BAZ1A: variants seen among roughly 807,000 people sequenced by gnomAD.
BAZ1A encodes the protein bromodomain adjacent to zinc finger domain protein 1A.
A neutral mutation model predicts 185.2 loss-of-function variants in BAZ1A; 50 were observed. The observed-to-expected ratio is 0.27, with a 90% CI of 0.22 to 0.34. The LOEUF is 0.34. Among genes scored for constraint, BAZ1A ranks in the 10% least tolerant of loss-of-function variants. BAZ1A has a pLI of 1.00. For synonymous variants in BAZ1A, 571 were observed against 615.6 expected, an observed-to-expected ratio of 0.93 and a Z score of 1.07; for missense variants, 1,356 against 1,839.9, an observed-to-expected ratio of 0.74 and a Z score of 4.81.
At chr14:34,854,854 C>T (rs2042651110) in intron 3 of BAZ1A, among the ~76,000 whole-genome samples, 1 of 151,992 alleles carries the variant, frequency 6.6e-6, no homozygotes, top group Non-Finnish European at 1.5e-5. Flanking sequence ...CTGAGGTTGG[C>T]GGATCACCTG....
intron 26 of BAZ1A, 114 bp from the exon 27 acceptor site, chr14:34,753,818 T>C: frequency 1.1e-6 from 1 of 936,182 alleles, no homozygotes; most frequent in Non-Finnish European, 1.5e-6. Context: ...CACTTTTTTC[T>C]TTAGAAAGAG....
chr14:34,847,666 AT>A (rs1427087239), intron 3 of BAZ1A, among the ~76,000 whole-genome samples: 1 of 152,122 alleles, frequency 6.6e-6, no homozygotes, highest in Non-Finnish European at 1.5e-5. Flanking sequence ...TGAATCTTTT[AT>A]GTTCATCTTA....
At chr14:34,854,717 T>C (rs1277780575) in intron 3 of BAZ1A, among the ~76,000 whole-genome samples, 3 of 152,224 alleles carry the variant, frequency 2.0e-5, no homozygotes, top group Non-Finnish European at 2.9e-5. Flanking sequence ...CCCTTCGCTA[T>C]CACTACCTCC....
intron 4 of BAZ1A, among the ~76,000 whole-genome samples, chr14:34,821,486 T>C (rs1002482355): frequency 3.9e-5 from 6 of 152,234 alleles, no homozygotes; most frequent in African/African-American, 1.4e-4. Context: ...TACCTGGAAG[T>C]CAATTTATTA....
chr14:34,776,853 A>G (rs951654499), intron 17 of BAZ1A, among the ~76,000 whole-genome samples: 2 of 152,182 alleles, frequency 1.3e-5, no homozygotes, highest in Non-Finnish European at 2.9e-5. Context: ...AAAGCCTTTC[A>G]GACACCAACC....
intron 5 of BAZ1A, 62 bp from the exon 6 acceptor site, chr14:34,807,600 C>G: frequency 8.6e-7 from 1 of 1,160,926 alleles, no homozygotes; most frequent in East Asian, 2.4e-5. Context: ...AACCCCAACT[C>G]CATAATCTCT....
intron 9 of BAZ1A, 40 bp downstream of exon 9, chr14:34,800,184 C>A (rs1881430533): frequency 7.7e-7 from 1 of 1,291,516 alleles, no homozygotes; most frequent in South Asian, 1.7e-5. Context: ...AGTAGTATTA[C>A]TATATGTAGA....
intron 3 of BAZ1A, among the ~76,000 whole-genome samples, chr14:34,827,775 C>T (rs2042185331): frequency 6.6e-6 from 1 of 150,930 alleles, no homozygotes; most frequent in Non-Finnish European, 1.5e-5. Context: ...GGCACAATAT[C>T]TTATTTTACA....
chr14:34,868,947 A>G (rs1045043406), intron 2 of BAZ1A, among the ~76,000 whole-genome samples: 2 of 150,864 alleles, frequency 1.3e-5, no homozygotes, highest in Non-Finnish European at 3.0e-5. Flanking sequence ...GTATATATAT[A>G]CATAATATAT....
chr14:34,822,999 A>G (rs1319613875), intron 4 of BAZ1A, among the ~76,000 whole-genome samples: 1 of 152,206 alleles, frequency 6.6e-6, no homozygotes, highest in African/African-American at 2.4e-5. Context: ...CCCAGAATCT[A>G]CACAGTCCTC....
chr14:34,769,002 A>G (rs185469961), intron 21 of BAZ1A, among the ~76,000 whole-genome samples: 1 of 152,246 alleles, frequency 6.6e-6, no homozygotes, highest in Admixed American at 6.5e-5. Flanking sequence ...AGAGAGGTAG[A>G]ACGTAAGTAG....
At chr14:34,824,288 T>G (rs1040990116) in intron 4 of BAZ1A, among the ~76,000 whole-genome samples, 1 of 143,154 alleles carries the variant, frequency 7.0e-6, no homozygotes, top group Non-Finnish European at 1.5e-5. Flanking sequence ...GCAGGAGGAC[T>G]GCCTAAGCCC....
At chr14:34,764,584 G>A (rs1286143620) in intron 23 of BAZ1A, 123 bp downstream of exon 23, 1 of 1,321,018 alleles carries the variant, frequency 7.6e-7, no homozygotes, top group Non-Finnish European at 1.0e-6. Flanking sequence ...AAGCTACCGT[G>A]TCCAGCCTAT....
In BAZ1A at chr14:34,807,436, T is replaced by C; in HGVS notation, c.726+15A>G. ...GTTTTCTGTCTTCCAACAAATAATTTCATTATTTGATTACCTTTATTTTAA... is the reference window on the plus strand; with the variant it reads ...GTTTTCTGTCTTCCAACAAATAATTCCATTATTTGATTACCTTTATTTTAA... On this transcript the variant is annotated intron_variant, in intron 6 of 26. Transcript: ENST00000360310. 6.4e-7 allele frequency: 1 copy of C among 1,559,544 alleles called. No individual in the cohort carries two copies. Among genetic ancestry groups the C allele is most frequent in the East Asian group, 2.3e-5 (1 of 44,300 alleles).
At position 34,772,640 on chromosome 14, in the gene BAZ1A, T is replaced by G. The variant is rs1409517712; in HGVS notation, c.3152+932A>C. On this transcript the variant is annotated intron_variant, in intron 20 of 26. Coordinates refer to ENST00000360310, the MANE Select transcript of BAZ1A (RefSeq NM_013448.3). ...TACTTATACTTATTTAGAGATGAGG[T>G]CTCATTGTTGCTCAGGCTGGAGTGC... Among the ~76,000 whole-genome samples, 4 of 152,194 alleles carry G rather than the reference T, an allele frequency of 2.6e-5. No homozygotes were observed. In the East Asian group the frequency reaches 5.8e-4, roughly 22 times the overall value.
chr14:34,859,428 CA>C (rs33993387), intron 3 of BAZ1A, among the ~76,000 whole-genome samples: 38,994 of 130,618 alleles, frequency 0.3, 5,306 homozygotes, highest in Middle Eastern at 0.37. Context: ...CAGACCCTGT[CA>C]AAAAAAAAAA....
intron 21 of BAZ1A, among the ~76,000 whole-genome samples, chr14:34,766,167 AT>A (rs1416879843): frequency 6.6e-6 from 1 of 152,172 alleles, no homozygotes; most frequent in Non-Finnish European, 1.5e-5. Flanking sequence ...CATGGAGAGT[AT>A]CTGCCTCTAA....
Position 34,771,500 on chromosome 14 carries a change from C to G in BAZ1A, c.3301+11G>C. 3 of 1,598,914 alleles carry G rather than the reference C, an allele frequency of 1.9e-6. No individual in the cohort carries two copies. Among genetic ancestry groups the G allele is most frequent in the Non-Finnish European group, 2.6e-6 (3 of 1,175,330 alleles). On this transcript the variant is annotated intron_variant, in intron 21 of 26. Transcript: ENST00000360310. The stretch of plus-strand genomic sequence containing the variant: ...CACAACTAATATTTTGAAATAAAAA[C>G]AGATACTTACCAAGTGGAGCTTTCA...
At chr14:34,793,436 T>C (rs1198423512) in intron 11 of BAZ1A, among the ~76,000 whole-genome samples, 2 of 152,232 alleles carry the variant, frequency 1.3e-5, no homozygotes, top group Admixed American at 6.5e-5. Flanking sequence ...GACACAATGA[T>C]TCTTGCTTCA....
Sources: gnomAD v4.1 joint callset for allele counts (sites outside exome capture counted in the v4.1 genomes callset) on GRCh38, gnomAD v4.1.1 for gene constraint, MANE v1.5 for transcripts, NCBI Gene and HGNC (gene_info 2026-07-23, HGNC 2026-07-21) for gene names.